The following CNTNAP2 variants were observed in gnomAD, a reference collection of about 807,000 sequenced individuals.
The protein encoded by CNTNAP2 is contactin associated protein 2, also known as contactin-associated protein-like 2.
Under a neutral mutation model 155.2 loss-of-function variants are expected in CNTNAP2, and 98 were observed. The observed-to-expected ratio is 0.63, with a 90% CI of 0.54 to 0.75. The LOEUF (loss-of-function observed/expected upper bound fraction) is 0.75, where lower values mean the gene tolerates loss of function less well. CNTNAP2 is among the 30% of genes least tolerant of loss of function. The probability of loss-of-function intolerance (pLI) is 0.00; values close to 1 mark genes in which losing one functional copy is unlikely to be tolerated. For synonymous variants in CNTNAP2, 651 were observed against 631.2 expected (o/e 1.03, Z -0.47); for missense variants, 1,727 against 1,688.1 (o/e 1.02, Z -0.40).
intron 9 of CNTNAP2, among the ~76,000 whole-genome samples, chr7:147,361,611 TTGAG>T (rs1394826963): frequency 4.6e-5 from 7 of 152,286 alleles, no homozygotes; most frequent in Admixed American, 1.3e-4. Flanking sequence ...CTCAAACTTA[TTGAG>T]TAAGATAGTC....
intron 10 of CNTNAP2, among the ~76,000 whole-genome samples, chr7:147,473,683 C>G (rs954567551): frequency 5.9e-5 from 9 of 152,118 alleles, no homozygotes; most frequent in African/African-American, 1.4e-4. Flanking sequence ...CAGAAATATT[C>G]TATTCACAGA....
intron 2 of CNTNAP2, among the ~76,000 whole-genome samples, chr7:146,812,882 C>A (rs1803094178): frequency 6.6e-6 from 1 of 152,118 alleles, no homozygotes; most frequent in African/African-American, 2.4e-5. Flanking sequence ...TATGTCTCAG[C>A]TGCTTCAGCA....
At chr7:147,796,995 A>C (rs1011986031) in intron 13 of CNTNAP2, among the ~76,000 whole-genome samples, 1 of 152,218 alleles carries the variant, frequency 6.6e-6, no homozygotes, top group African/African-American at 2.4e-5. Flanking sequence ...GATAGTTTCA[A>C]TAATCTAATG....
intron 1 of CNTNAP2, among the ~76,000 whole-genome samples, chr7:146,627,962 A>G (rs1313626009): frequency 2.6e-5 from 4 of 152,076 alleles, no homozygotes; most frequent in Non-Finnish European, 5.9e-5. Flanking sequence ...ATGTATATAC[A>G]AATTTATGTG....
At chr7:146,597,470 G>A (rs894525167) in intron 1 of CNTNAP2, among the ~76,000 whole-genome samples, 4 of 151,702 alleles carry the variant, frequency 2.6e-5, no homozygotes, top group South Asian at 2.1e-4. Flanking sequence ...ATTTTGACAC[G>A]CACACACATA....
intron 1 of CNTNAP2, among the ~76,000 whole-genome samples, chr7:146,524,586 A>G (rs1048457579): frequency 2.0e-5 from 3 of 152,138 alleles, no homozygotes; most frequent in Non-Finnish European, 2.9e-5. Context: ...AACATAAAAT[A>G]CTATCGTCGT....
chr7:146,564,930 A>G (rs1798334490), intron 1 of CNTNAP2, among the ~76,000 whole-genome samples: 1 of 152,166 alleles, frequency 6.6e-6, no homozygotes, highest in South Asian at 2.1e-4. Flanking sequence ...CTGAGCATCT[A>G]GAAGTTAAGT....
intron 16 of CNTNAP2, among the ~76,000 whole-genome samples, chr7:148,132,519 TA>T (rs1236054975): frequency 1.3e-5 from 2 of 152,150 alleles, no homozygotes; most frequent in Non-Finnish European, 2.9e-5. Context: ...TCACATTCCA[TA>T]GCTAACCGTA....
At chr7:147,923,400 A>G (rs1800320202) in intron 14 of CNTNAP2, among the ~76,000 whole-genome samples, 1 of 152,158 alleles carries the variant, frequency 6.6e-6, no homozygotes, top group Non-Finnish European at 1.5e-5. Context: ...GGAGGCAGAG[A>G]TTTAAGTGAT....
intron 10 of CNTNAP2, among the ~76,000 whole-genome samples, chr7:147,402,635 T>C (rs1253677230): frequency 1.3e-5 from 2 of 152,208 alleles, no homozygotes; most frequent in Non-Finnish European, 2.9e-5. Context: ...TTATAGGCCC[T>C]ATAGGGACAC....
chr7:148,080,570 AC>A (rs1803578360), intron 15 of CNTNAP2, among the ~76,000 whole-genome samples: 1 of 146,884 alleles, frequency 6.8e-6, no homozygotes, highest in Admixed American at 7.1e-5. Context: ...GCACCACTGC[AC>A]TCCAGCCTGG....
intron 13 of CNTNAP2, among the ~76,000 whole-genome samples, chr7:147,772,176 A>C (rs146667687): frequency 6.6e-6 from 1 of 151,840 alleles, no homozygotes; most frequent in African/African-American, 2.4e-5. Flanking sequence ...CTGTAATCCC[A>C]GCACTTTGGG....
At chr7:147,367,576 G>A (rs147078758) in intron 9 of CNTNAP2, among the ~76,000 whole-genome samples, 1 of 152,242 alleles carries the variant, frequency 6.6e-6, no homozygotes, top group Non-Finnish European at 1.5e-5. Context: ...CAGGAAGAAA[G>A]ATTGTCCCAT....
chr7:147,256,389 C>T lies in CNTNAP2; in HGVS notation c.1349-43752C>T, dbSNP rs535210535. On this transcript the variant is annotated intron_variant, in intron 8 of 23. Transcript: ENST00000361727. ...AGGGGGCTCTGTATTCATTTAGGGA[C>T]ATTTAACATTACAGCTTTCTGTCAT... Among the ~76,000 whole-genome samples the T allele has an allele frequency of 2.0e-5, 3 of 152,214 alleles. No homozygotes were observed. In the East Asian group the frequency reaches 5.8e-4, roughly 29 times the overall value.
intron 1 of CNTNAP2, among the ~76,000 whole-genome samples, chr7:146,154,025 AAAC>A (rs1798089609): frequency 1.3e-5 from 2 of 152,142 alleles, no homozygotes; most frequent in Non-Finnish European, 2.9e-5. Context: ...GCAATTTGGA[AAAC>A]ACTGATTGTT....
chr7:146,946,271 G>A (rs930939271), intron 3 of CNTNAP2, among the ~76,000 whole-genome samples: 2 of 151,998 alleles, frequency 1.3e-5, no homozygotes, highest in Non-Finnish European at 2.9e-5. Flanking sequence ...GGAAGCCTCG[G>A]AAAAGCTTTT....
At chr7:146,316,709 A>G (rs1272578702) in intron 1 of CNTNAP2, among the ~76,000 whole-genome samples, 2 of 152,134 alleles carry the variant, frequency 1.3e-5, no homozygotes, top group Non-Finnish European at 2.9e-5. Context: ...TTTTCTATTT[A>G]TAACTGTGTC....
intron 13 of CNTNAP2, among the ~76,000 whole-genome samples, chr7:147,661,268 A>G (rs1444446935): frequency 6.6e-6 from 1 of 151,680 alleles, no homozygotes; most frequent in Admixed American, 6.6e-5. Context: ...TTTTTTTGTA[A>G]TTCTTCTTTT....
intron 9 of CNTNAP2, among the ~76,000 whole-genome samples, chr7:147,301,044 T>C (rs1009365445): frequency 2.6e-5 from 4 of 152,096 alleles, no homozygotes; most frequent in Admixed American, 2.6e-4. Context: ...CTGTGGGAAG[T>C]GAGTCACTAA....
Sources: gnomAD v4.1 joint callset for allele counts (sites outside exome capture counted in the v4.1 genomes callset) on GRCh38, gnomAD v4.1.1 for gene constraint, MANE v1.5 for transcripts, NCBI Gene and HGNC (gene_info 2026-07-23, HGNC 2026-07-21) for gene names.